PDE4D: variants seen among roughly 807,000 people sequenced by gnomAD.
PDE4D encodes 3',5'-cyclic-AMP phosphodiesterase 4D.
PDE4D carries 24 observed loss-of-function variants against 87.4 expected under a neutral mutation model. That is an observed-to-expected ratio of 0.27 (90% confidence interval 0.20 to 0.39). PDE4D has a LOEUF of 0.39. Among genes scored for constraint, PDE4D ranks in the 10% least tolerant of loss-of-function variants. PDE4D has a pLI of 1.00. For synonymous variants in PDE4D, 384 were observed against 383.2 expected, an observed-to-expected ratio of 1.00 and a Z score of -0.02; for missense variants, 714 against 1,041.0, an observed-to-expected ratio of 0.69 and a Z score of 4.32.
chr5:59,114,967 G>C (rs1161917617), intron 5 of PDE4D, among the ~76,000 whole-genome samples: 1 of 152,064 alleles, frequency 6.6e-6, no homozygotes. Context: ...GGTAATAACT[G>C]ATGGAAGATA....
intron 1 of PDE4D, among the ~76,000 whole-genome samples, chr5:59,584,552 A>G (rs1040798229): frequency 1.3e-5 from 2 of 152,224 alleles, no homozygotes; most frequent in Non-Finnish European, 2.9e-5. Context: ...GATCTAGAGG[A>G]GCATGAATAA....
chr5:58,974,629 TTAAAAAAAAAAAAGGCATGAAAG>T lies in PDE4D; in HGVS notation c.*12_*34del, dbSNP rs1394833761. The T allele has an allele frequency of 6.7e-7, 1 of 1,493,608 alleles. No homozygotes were observed. The highest frequency in any genetic ancestry group is 2.3e-5 in the Admixed American group (1 of 43,994). The allele number at this position is 1,493,608 out of a possible 1,614,324, so 92.5% of individuals were successfully genotyped here. On this transcript the variant is annotated 3_prime_UTR_variant, in exon 15 of 15. Coordinates refer to ENST00000340635, the MANE Select transcript of PDE4D (RefSeq NM_001104631.2). ...TGCACTTTGGAAACAATTTTTCTAC[TTAAAAAAAAAAAAGGCATGAAAG>T]TTTTTGCACTGTTACGTGTCAGGAG... is the stretch of plus-strand genomic sequence containing the variant.
chr5:60,082,355 G>A (rs1043692240), intron 2 of PDE4D, among the ~76,000 whole-genome samples: 2 of 152,150 alleles, frequency 1.3e-5, no homozygotes, highest in African/African-American at 4.8e-5. Flanking sequence ...CAAGAGGAGT[G>A]CCCTCACTAG....
chr5:60,185,625 G>A (rs1331702747), exon 2 of PDE4D: 1 of 1,466,814 alleles, frequency 6.8e-7, no homozygotes, highest in South Asian at 1.2e-5. Context: ...ATTAAAATGG[G>A]AACTAGTGTT....
chr5:59,930,187 C>A (rs1331231248), intron 3 of PDE4D, among the ~76,000 whole-genome samples: 6 of 131,218 alleles, frequency 4.6e-5, no homozygotes, highest in African/African-American at 1.6e-4. Context: ...AAAAAAAAAA[C>A]CGGCCCCATA....
chr5:59,605,618 G>A (rs1318342312), intron 1 of PDE4D, among the ~76,000 whole-genome samples: 7 of 152,032 alleles, frequency 4.6e-5, no homozygotes, highest in African/African-American at 1.7e-4. Context: ...TCAAACTCCT[G>A]TTACTATAAT....
chr5:60,276,718 G>C (rs538787426), intron 1 of PDE4D, among the ~76,000 whole-genome samples: 1 of 152,160 alleles, frequency 6.6e-6, no homozygotes, highest in South Asian at 2.1e-4. Context: ...TGTTTAATTT[G>C]CGAATCATTC....
In PDE4D at chr5:59,373,012, G is replaced by GAA. The variant is rs35836561; in HGVS notation, c.456-157046_456-157045dup. Among the ~76,000 whole-genome samples, 276 of 147,914 alleles carry GAA rather than the reference G, an allele frequency of 1.9e-3. 1 individual carries two copies. Among genetic ancestry groups the GAA allele is most frequent in the African/African-American group, 5.3e-3 (214 of 40,280 alleles). On this transcript the variant is annotated intron_variant, in intron 1 of 14. Transcript: ENST00000340635. ...TCAAGGTCATCAAATAGGATAAAAG[G>GAA]AAAAAAAAAACATTCAAATGTCAGC...
chr5:59,275,488 G>C, intron 1 of PDE4D: 1 of 1,534,222 alleles, frequency 6.5e-7, no homozygotes, highest in Non-Finnish European at 8.7e-7. Context: ...AGATTTTAAA[G>C]ATATTCCATT....
In PDE4D at chr5:59,893,422, G is replaced by A. The variant is rs1283603017; in HGVS notation, c.201C>T (p.Pro67=). Residue 67 remains proline, a synonymous_variant, in exon 1 of 15, where the codon CCC becomes CCT. Transcript: ENST00000340635. The stretch of plus-strand genomic sequence containing the variant: ...GCGGCTGTAGCGGACACTGGGGCTG[G>A]GGCTGGGGCGAGGGTGGCGGCGGCG... ...LPPPPPPSPQ[P]QPQCPLQPPP... The A allele has an allele frequency of 6.7e-7, 1 of 1,496,320 alleles. No individual in the cohort carries two copies. Among genetic ancestry groups the A allele is most frequent in the South Asian group, 1.2e-5 (1 of 80,388 alleles). 92.7% of individuals were successfully genotyped at this position (1,496,320 alleles called of 1,614,324 possible).
At chr5:58,999,789 A>C (rs1750094527) in intron 6 of PDE4D, 1 of 1,011,638 alleles carries the variant, frequency 9.9e-7, no homozygotes, top group African/African-American at 1.7e-5. Context: ...CTGAATAAAG[A>C]AAATCCACGT....
At chr5:59,258,550 TA>T (rs1761390956) in intron 1 of PDE4D, among the ~76,000 whole-genome samples, 1 of 151,526 alleles carries the variant, frequency 6.6e-6, no homozygotes, top group South Asian at 2.1e-4. Flanking sequence ...ATTTTATATA[TA>T]AAAGTATATT....
At chr5:60,486,473 G>A (rs2150227444) in intron 1 of PDE4D, among the ~76,000 whole-genome samples, 1 of 152,208 alleles carries the variant, frequency 6.6e-6, no homozygotes. Flanking sequence ...GTCTACGTTG[G>A]CTACTTTTCT....
At chr5:60,038,791 C>G (rs1192070365) in intron 2 of PDE4D, among the ~76,000 whole-genome samples, 37 of 151,920 alleles carry the variant, frequency 2.4e-4, no homozygotes, top group African/African-American at 8.2e-4. Flanking sequence ...TGAACAGACA[C>G]TTCTCAAAAG....
intron 1 of PDE4D, among the ~76,000 whole-genome samples, chr5:59,668,922 A>AAGAAGAAGAAG (rs199660442): frequency 8.6e-4 from 49 of 56,858 alleles, no homozygotes; most frequent in East Asian, 1.5e-3. Context: ...GAAGAAGAAG[A>AAGAAGAAGAAG]AAGAAAGAAA....
At chr5:59,423,478 T>C (rs1353515172) in intron 1 of PDE4D, among the ~76,000 whole-genome samples, 1 of 152,210 alleles carries the variant, frequency 6.6e-6, no homozygotes, top group South Asian at 2.1e-4. Context: ...GAAACAACTC[T>C]TTCCATCATG....
At chr5:59,122,649 T>C (rs1774749125) in intron 5 of PDE4D, among the ~76,000 whole-genome samples, 1 of 152,216 alleles carries the variant, frequency 6.6e-6, no homozygotes, top group African/African-American at 2.4e-5. Context: ...CCCATAAATA[T>C]ATACAGTAAT....
chr5:59,897,994 T>C (rs1296927007), upstream of PDE4D, among the ~76,000 whole-genome samples: 1 of 152,228 alleles, frequency 6.6e-6, no homozygotes, highest in Non-Finnish European at 1.5e-5. Flanking sequence ...ATTGTCAGTA[T>C]TGCCAGTACA....
intron 1 of PDE4D, among the ~76,000 whole-genome samples, chr5:59,276,548 G>A (rs1161413126): frequency 6.6e-6 from 1 of 152,230 alleles, no homozygotes; most frequent in Non-Finnish European, 1.5e-5. Flanking sequence ...TTGTAGAGAT[G>A]TAAATTACCT....
Sources: gnomAD v4.1 joint callset for allele counts (sites outside exome capture counted in the v4.1 genomes callset) on GRCh38, gnomAD v4.1.1 for gene constraint, MANE v1.5 for transcripts, NCBI Gene and HGNC (gene_info 2026-07-23, HGNC 2026-07-21) for gene names.